The following ARID4B variants were observed in gnomAD, a reference collection of about 807,000 sequenced individuals.
ARID4B encodes AT-rich interaction domain 4B, also known as AT-rich interactive domain-containing protein 4B.
Under a neutral mutation model 147.5 loss-of-function variants are expected in ARID4B, and 26 were observed. The ratio of observed to expected loss-of-function variants is 0.18; its 90% CI spans 0.13 to 0.24. The LOEUF (loss-of-function observed/expected upper bound fraction) is 0.24. Among genes scored for constraint, ARID4B ranks in the 10% least tolerant of loss-of-function variants. The probability of loss-of-function intolerance (pLI) is 1.00; values close to 1 mark genes in which losing one functional copy is unlikely to be tolerated. For missense variants in ARID4B, 1,179 were observed against 1,511.5 expected (o/e 0.78, Z 3.65); for synonymous variants, 512 against 507.9 (o/e 1.01, Z -0.11).
At chr1:235,229,109 T>C (rs1322426353) in intron 11 of ARID4B, 122 bp downstream of exon 11, 8 of 1,152,022 alleles carry the variant, frequency 6.9e-6, no homozygotes, top group Non-Finnish European at 9.7e-6. Context: ...AATACAAGAT[T>C]ATGAAATATT....
intron 17 of ARID4B, among the ~76,000 whole-genome samples, chr1:235,205,549 G>C (rs1358590771): frequency 6.6e-6 from 1 of 152,114 alleles, no homozygotes; most frequent in East Asian, 1.9e-4. Flanking sequence ...AAAATTTTCA[G>C]AACACTGGAT....
At chr1:235,210,680 T>C (rs535316329) in intron 17 of ARID4B, among the ~76,000 whole-genome samples, 2 of 152,304 alleles carry the variant, frequency 1.3e-5, no homozygotes, top group Admixed American at 1.3e-4. Flanking sequence ...TTCATCAAGA[T>C]GTTAAGTTTT....
At chr1:235,226,584 T>C (rs375427875) in intron 11 of ARID4B, among the ~76,000 whole-genome samples, 64 of 151,938 alleles carry the variant, frequency 4.2e-4, no homozygotes, top group African/African-American at 1.5e-3. Flanking sequence ...TGCAGTGGCG[T>C]GATCTCGGCT....
intron 16 of ARID4B, 80 bp downstream of exon 16, chr1:235,219,713 C>A (rs1667315908): frequency 2.7e-6 from 3 of 1,124,964 alleles, no homozygotes; most frequent in Admixed American, 5.1e-5. Flanking sequence ...AATTTAGATT[C>A]ATACATAAAC....
At chr1:235,178,339 A>G (rs1664034279) in intron 20 of ARID4B, among the ~76,000 whole-genome samples, 1 of 152,194 alleles carries the variant, frequency 6.6e-6, no homozygotes, top group Non-Finnish European at 1.5e-5. Context: ...ATATTAATAT[A>G]ATTTTTAAAT....
intron 2 of ARID4B, among the ~76,000 whole-genome samples, chr1:235,297,506 G>A (rs555446890): frequency 1.4e-4 from 22 of 152,116 alleles, no homozygotes; most frequent in Non-Finnish European, 3.1e-4. Flanking sequence ...CAAAATCACC[G>A]TTTTGCAATC....
chr1:235,185,766 G>A (rs982434473), intron 19 of ARID4B, among the ~76,000 whole-genome samples: 3 of 152,072 alleles, frequency 2.0e-5, no homozygotes, highest in Non-Finnish European at 2.9e-5. Flanking sequence ...GAATCCTTCC[G>A]AATGTATTGC....
At chr1:235,267,434 A>G (rs1028063624) in intron 2 of ARID4B, among the ~76,000 whole-genome samples, 1 of 152,246 alleles carries the variant, frequency 6.6e-6, no homozygotes, top group South Asian at 2.1e-4. Context: ...AATGAACAAA[A>G]TATACTTGCA....
intron 17 of ARID4B, among the ~76,000 whole-genome samples, chr1:235,200,775 AT>A (rs1399745384): frequency 6.6e-6 from 1 of 152,226 alleles, no homozygotes; most frequent in Non-Finnish European, 1.5e-5. Context: ...CTTAGACATA[AT>A]AGATAAGAAA....
In ARID4B at chr1:235,175,416, AG is replaced by A. The variant is rs759322980; in HGVS notation, c.3449-18del. 1 of 1,570,578 alleles carries A rather than the reference AG, an allele frequency of 6.4e-7. No individual in the cohort carries two copies. The highest frequency in any genetic ancestry group is 1.1e-5 in the South Asian group (1 of 87,430). ...TACTATTTGCTGAAAGAGAAAGAAA[AG>A]ATTTAATAAACAAAAATGTAACAAT... is the stretch of plus-strand genomic sequence containing the variant. On this transcript the variant is annotated intron_variant, in intron 21 of 23. Transcript: ENST00000264183.
intron 2 of ARID4B, among the ~76,000 whole-genome samples, chr1:235,301,534 C>A (rs367773934): frequency 1.0e-5 from 1 of 99,822 alleles, no homozygotes; most frequent in Non-Finnish European, 1.9e-5. Flanking sequence ...GACCCTATTT[C>A]TTTTTTTTTT....
chr1:235,254,148 A>G (rs1669808446), intron 5 of ARID4B, among the ~76,000 whole-genome samples: 1 of 152,124 alleles, frequency 6.6e-6, no homozygotes, highest in South Asian at 2.1e-4. Flanking sequence ...TCACTTACAT[A>G]AAGTCAAATA....
At chr1:235,236,846 ATATATATATATATATATTTTTTT>A (rs1558233545) in intron 8 of ARID4B, among the ~76,000 whole-genome samples, 1 of 34,532 alleles carries the variant, frequency 2.9e-5, no homozygotes, top group African/African-American at 8.8e-5. Context: ...ATATATATAT[ATATATATATATATATATTTTTTT>A]TTTTTTTTTT....
intron 7 of ARID4B, among the ~76,000 whole-genome samples, chr1:235,245,427 AT>A (rs1247096223): frequency 1.3e-5 from 2 of 152,300 alleles, no homozygotes; most frequent in Non-Finnish European, 2.9e-5. Flanking sequence ...TTTTAAATTT[AT>A]TTTTACACTT....
intron 7 of ARID4B, 110 bp from the exon 8 acceptor site, chr1:235,240,561 A>C (rs1358408633): frequency 1.0e-6 from 1 of 979,448 alleles, no homozygotes; most frequent in East Asian, 2.6e-5. Context: ...AAGACCTGTA[A>C]AATGGCTAAT....
chr1:235,326,594 C>T (rs1303123989), intron 2 of ARID4B, among the ~76,000 whole-genome samples: 2 of 152,216 alleles, frequency 1.3e-5, no homozygotes, highest in African/African-American at 4.8e-5. Context: ...AGTTCAGTTT[C>T]TAGGGTCAGA....
At position 235,298,564 on chromosome 1, in the gene ARID4B, A is replaced by T. The variant is rs577082991; in HGVS notation, c.6+28350T>A. On this transcript the variant is annotated intron_variant, in intron 2 of 23. Transcript: ENST00000264183. ...ATATATGAATACAATGTATATTTAT[A>T]TATATCCATATATATGAATATAATG... Among the ~76,000 whole-genome samples the T allele has an allele frequency of 1.3e-3, 189 of 148,622 alleles. 1 individual carries two copies. The highest frequency in any genetic ancestry group is 4.5e-3 in the African/African-American group (185 of 40,932).
At chr1:235,322,031 A>T (rs1035492909) in intron 2 of ARID4B, among the ~76,000 whole-genome samples, 2 of 150,506 alleles carry the variant, frequency 1.3e-5, no homozygotes, top group African/African-American at 4.9e-5. Flanking sequence ...TTCAAGAAAA[A>T]ATTTTTTTTT....
intron 2 of ARID4B, among the ~76,000 whole-genome samples, chr1:235,325,380 A>G (rs965420906): frequency 6.6e-6 from 1 of 152,010 alleles, no homozygotes; most frequent in African/African-American, 2.4e-5. Context: ...AAAAAAAGGA[A>G]ACGAAAGGAA....
Sources: allele counts gnomAD v4.1 joint callset (sites outside exome capture counted in the v4.1 genomes callset), GRCh38; gene constraint gnomAD v4.1.1; transcripts MANE v1.5; gene names NCBI Gene and HGNC (gene_info 2026-07-23, HGNC 2026-07-21).